Variants in SACS observed in about 807,000 individuals in gnomAD.
SACS encodes the protein sacsin.
Under a neutral mutation model 348.0 loss-of-function variants are expected in SACS, and 197 were observed. That is an observed-to-expected ratio of 0.57 (90% CI 0.50 to 0.64). The LOEUF (loss-of-function observed/expected upper bound fraction) is 0.64. SACS is among the 30% of genes least tolerant of loss of function. The pLI, the probability that SACS is intolerant of heterozygous loss-of-function variation, is 0.00. For synonymous variants in SACS, 1,985 were observed against 1,910.6 expected (o/e 1.04, Z -1.02); for missense variants, 4,999 against 5,360.8 (o/e 0.93, Z 2.11).
chr13:23,426,281 C>T (rs759847100), intron 1 of SACS, among the ~76,000 whole-genome samples: 7 of 152,108 alleles, frequency 4.6e-5, no homozygotes, highest in Non-Finnish European at 5.9e-5. Flanking sequence ...TGACATTTGC[C>T]CAAGGTGGTC....
intron 2 of SACS, among the ~76,000 whole-genome samples, chr13:23,396,678 A>G (rs9552943): frequency 0.28 from 42,030 of 152,120 alleles, 6,392 homozygotes; most frequent in East Asian, 0.45. Flanking sequence ...AGAAATCCAC[A>G]TATTTAAATC....
intron 2 of SACS, among the ~76,000 whole-genome samples, chr13:23,390,531 A>G (rs989002336): frequency 2.6e-5 from 4 of 152,144 alleles, no homozygotes; most frequent in African/African-American, 7.2e-5. Flanking sequence ...GACTAATTTT[A>G]TATTTAGTGT....
chr13:23,424,588 A>G (rs939891537), intron 1 of SACS, among the ~76,000 whole-genome samples: 3 of 152,222 alleles, frequency 2.0e-5, no homozygotes, highest in Non-Finnish European at 4.4e-5. Flanking sequence ...TTTCAGCCCT[A>G]ATAATGAAAA....
At position 23,335,458 on chromosome 13, in the gene SACS, C is replaced by T; in HGVS notation, c.8418G>A (p.Met2806Ile). Residue 2806 changes from methionine (M) to isoleucine (I), a missense_variant, in exon 10 of 10, where the codon ATG becomes ATA. By Grantham distance (10) the Met-to-Ile change is conservative. Coordinates refer to ENST00000382292, the MANE Select transcript of SACS (RefSeq NM_014363.6). The surrounding 1 kb of genome is among the most constrained non-coding windows in gnomAD (Gnocchi z 4.7). ...DIPVQQITYT[M>I]DTEDSEGNLT... ...GATTTCCTTCAGAGTCCTCAGTATC[C>T]ATAGTATAGGTTATTTGTTGAACTG... 1 of 1,613,648 alleles carries T rather than the reference C, an allele frequency of 6.2e-7. No individual in the cohort carries two copies. The highest frequency in any genetic ancestry group is 2.2e-5 in the East Asian group (1 of 44,886).
At position 23,411,431 on chromosome 13, in the gene SACS, G is replaced by C; in HGVS notation, c.-192C>G. 1.6e-6 allele frequency: 1 copy of C among 628,640 alleles called. No individual in the cohort carries two copies. The highest frequency in any genetic ancestry group is 2.8e-5 in the East Asian group (1 of 36,166). 38.9% of individuals were successfully genotyped at this position (628,640 alleles called of 1,614,324 possible). On this transcript the variant is annotated 5_prime_UTR_variant, in exon 2 of 10. Coordinates refer to ENST00000382292, the MANE Select transcript of SACS (RefSeq NM_014363.6). ...ATGTCAGGAAACATTGTCGTGTGTT[G>C]CATTTGTATTCCTTAAAGTATGACT...
chr13:23,351,760 C>A (rs1379994455), intron 9 of SACS, among the ~76,000 whole-genome samples: 5 of 152,028 alleles, frequency 3.3e-5, no homozygotes, highest in East Asian at 3.9e-4. Flanking sequence ...AAGTGACCAT[C>A]AAGACAATTT....
In SACS at chr13:23,337,109, A is replaced by T; in HGVS notation, c.6767T>A (p.Leu2256His). ...ATTTTCATTTAGAATTGGTTGCAAA[A>T]GACAAACTATATCTTGATGTTCAGC... Reference protein sequence around the residue: ...YTAEHQDIVCLLQPILNENSH... With the variant: ...YTAEHQDIVCHLQPILNENSH... Residue 2256 changes from leucine (L) to histidine (H), a missense_variant, in exon 10 of 10, where the codon CTT (leucine) becomes CAT (histidine). Leu to His is a moderately conservative substitution (Grantham distance 99). Around this residue, in one of 6 missense-constraint regions of SACS, gnomAD observed 3,156 missense variants for 3,380.1 expected, o/e 0.93. Transcript: ENST00000382292. 1.2e-6 allele frequency: 2 copies of T among 1,614,046 alleles called. No individual in the cohort carries two copies. The highest frequency in any genetic ancestry group is 8.5e-7 in the Non-Finnish European group (1 of 1,179,930).
At chr13:23,373,171 A>T (rs2137826502) in intron 3 of SACS, among the ~76,000 whole-genome samples, 1 of 152,304 alleles carries the variant, frequency 6.6e-6, no homozygotes, top group South Asian at 2.1e-4. Flanking sequence ...GTGGGTATAG[A>T]CCCAGGAGAG....
At chr13:23,418,597 C>T (rs949460627) in intron 1 of SACS, among the ~76,000 whole-genome samples, 2 of 152,152 alleles carry the variant, frequency 1.3e-5, no homozygotes, top group African/African-American at 4.8e-5. Flanking sequence ...CTTCCGCCTC[C>T]TGGGTTCTAG....
chr13:23,356,662 A>T (rs2137733166), intron 7 of SACS, among the ~76,000 whole-genome samples: 1 of 152,276 alleles, frequency 6.6e-6, no homozygotes, highest in East Asian at 1.9e-4. Context: ...GTATTCAAAA[A>T]CTGGCAGAAA....
Position 23,355,691 on chromosome 13 carries a change from C to A in SACS, c.921G>T (p.Leu307=). The change falls in exon 8 of 10, where the codon CTG becomes CTT. Residue 307 remains leucine, a synonymous_variant. Transcript: ENST00000382292. ...CATCCTGCACACTTTTCAGAAAGAG[C>A]AGCACTGTGTCTGCATCTGCCCTAA... ...ESFRADADTV[L]LFLKSVQDVS... is the part of the protein sequence containing the mutation. 3 of 1,614,170 alleles carry A rather than the reference C, an allele frequency of 1.9e-6. No individual in the cohort carries two copies. Among genetic ancestry groups the A allele is most frequent in the Non-Finnish European group, 2.5e-6 (3 of 1,180,026 alleles).
In SACS at chr13:23,332,524, T is replaced by C. The variant is rs746622780; in HGVS notation, c.11352A>G (p.Lys3784=). 2 of 1,614,004 alleles carry C rather than the reference T, an allele frequency of 1.2e-6. No individual in the cohort carries two copies. Among genetic ancestry groups the C allele is most frequent in the Non-Finnish European group, 1.7e-6 (2 of 1,179,914 alleles). The change falls in exon 10 of 10, where the codon AAA becomes AAG. Residue 3784 remains lysine, a synonymous_variant. Coordinates refer to ENST00000382292, the MANE Select transcript of SACS (RefSeq NM_014363.6). ...RSIYEFLSAE[K]REFRFQLRGV... is the part of the protein sequence containing the mutation. ...CTCGCAACTGAAAACGAAATTCCCTTTTTTCTGCACTGAGGAATTCATATA... is the reference window on the plus strand; with the variant it reads ...CTCGCAACTGAAAACGAAATTCCCTCTTTTCTGCACTGAGGAATTCATATA...
intron 1 of SACS, among the ~76,000 whole-genome samples, chr13:23,417,469 C>G (rs1173523129): frequency 6.6e-6 from 1 of 152,082 alleles, no homozygotes; most frequent in Non-Finnish European, 1.5e-5. Flanking sequence ...AGAGACAGAC[C>G]CTTGCATTAA....
chr13:23,413,804 G>T (rs1157115031), intron 1 of SACS, among the ~76,000 whole-genome samples: 1 of 152,104 alleles, frequency 6.6e-6, no homozygotes, highest in Non-Finnish European at 1.5e-5. Flanking sequence ...ATGAAATTTT[G>T]ATTGCCATGC....
intron 9 of SACS, among the ~76,000 whole-genome samples, chr13:23,344,318 G>A (rs568445283): frequency 4.6e-5 from 7 of 152,142 alleles, no homozygotes; most frequent in Admixed American, 1.3e-4. Flanking sequence ...ATGAAATTTG[G>A]CAATTTATAA....
In SACS at chr13:23,354,790, C is replaced by T; in HGVS notation, c.1822G>A (p.Val608Met). Reference sequence around the variant, plus strand: ...GCTGTGAGCTGAACAGCAGCATCCACATTCCCTGGTACCTTGGCAATCTGC... The same window carrying T: ...GCTGTGAGCTGAACAGCAGCATCCATATTCCCTGGTACCTTGGCAATCTGC... Reference protein sequence around the residue: ...GKQIAKVPGNVDAAVQLTAAS... With the variant: ...GKQIAKVPGNMDAAVQLTAAS... The change falls in exon 8 of 10, where the codon GTG becomes ATG. Residue 608 changes from valine to methionine, a missense_variant. By Grantham distance (21) the Val-to-Met change is conservative (BLOSUM62 1). This residue lies in a region of SACS where 3,156 missense variants were observed against 3,380.1 expected (regional missense o/e 0.93). Coordinates refer to ENST00000382292, the MANE Select transcript of SACS (RefSeq NM_014363.6). The T allele has an allele frequency of 1.9e-6, 3 of 1,614,222 alleles. No individual in the cohort carries two copies. Among genetic ancestry groups the T allele is most frequent in the Non-Finnish European group, 2.5e-6 (3 of 1,180,034 alleles).
intron 2 of SACS, among the ~76,000 whole-genome samples, chr13:23,380,757 G>A (rs562041172): frequency 6.6e-6 from 1 of 152,152 alleles, no homozygotes; most frequent in Admixed American, 6.5e-5. Flanking sequence ...TGAACAAGCT[G>A]AAAGCCTTTA....
rs1312106284 is a variant in SACS at position 23,336,847 on chromosome 13, G to A, written c.7029C>T (p.Pro2343=). 5 of 1,613,224 alleles carry A rather than the reference G, an allele frequency of 3.1e-6. No homozygotes were observed. The highest frequency in any genetic ancestry group is 4.2e-6 in the Non-Finnish European group (5 of 1,179,540). Reference sequence around the variant, plus strand: ...CATTCTCAACTAGAATGAAGCTAAAGGGTTTTAACTTATCAATAATTGACA... The same window carrying A: ...CATTCTCAACTAGAATGAAGCTAAAAGGTTTTAACTTATCAATAATTGACA... ...TKMSIIDKLK[P]FSFILVENAY... is the part of the protein sequence containing the mutation. Residue 2343 remains proline (P), a synonymous_variant, in exon 10 of 10, where the codon CCC becomes CCT. Transcript: ENST00000382292.
intron 2 of SACS, among the ~76,000 whole-genome samples, chr13:23,405,549 C>T (rs544543395): frequency 6.6e-6 from 1 of 152,232 alleles, no homozygotes; most frequent in African/African-American, 2.4e-5. Flanking sequence ...CCAAAATTGA[C>T]AAATGGGGTC....
Sources: gnomAD v4.1 joint callset for allele counts (sites outside exome capture counted in the v4.1 genomes callset) on GRCh38, gnomAD v4.1.1 for gene constraint, gnomAD v4.1.1 regional missense constraint, Gnocchi (gnomAD v3.1) non-coding constraint, MANE v1.5 for transcripts, NCBI Gene and HGNC (gene_info 2026-07-23, HGNC 2026-07-21) for gene names.